TBCB: variants seen among roughly 807,000 people sequenced by gnomAD.
TBCB encodes tubulin-folding cofactor B.
A neutral mutation model predicts 29.2 loss-of-function variants in TBCB; 18 were observed. The ratio of observed to expected loss-of-function variants is 0.62; its 90% CI spans 0.43 to 0.91. The LOEUF is 0.91. Ranked by LOEUF, TBCB falls within the 40% of genes least tolerant of loss-of-function variation. The pLI, the probability that TBCB is intolerant of heterozygous loss-of-function variation, is 0.00. For missense variants in TBCB, 336 were observed against 337.6 expected, an observed-to-expected ratio of 1.00 and a Z score of 0.04; for synonymous variants, 172 against 137.8, an observed-to-expected ratio of 1.25 and a Z score of -1.74.
At chr19:36,123,214 CT>C (rs1196138328) in intron 4 of TBCB, among the ~76,000 whole-genome samples, 1 of 150,066 alleles carries the variant, frequency 6.7e-6, no homozygotes, top group Non-Finnish European at 1.5e-5. Flanking sequence ...GTCATTTCCA[CT>C]TTTTGGCTAT....
chr19:36,116,010 T>G (rs369134537), intron 1 of TBCB, 31 bp from the exon 2 acceptor site: 40 of 1,603,620 alleles, frequency 2.5e-5, no homozygotes, highest in African/African-American at 8.0e-5. Context: ...CTCCGTGGCC[T>G]CCTTCTTCTC....
Position 36,121,963 on chromosome 19 carries a change from C to T in TBCB, c.547+245C>T, listed in dbSNP as rs10410489. ...GTCCAGCGAGGGAGGAAGCAGAAGCCAGAGGCACGCGGCCTGTGCGCTTCG... is the reference window on the plus strand; with the variant it reads ...GTCCAGCGAGGGAGGAAGCAGAAGCTAGAGGCACGCGGCCTGTGCGCTTCG... On this transcript the variant is annotated intron_variant, in intron 4 of 5. Transcript: ENST00000221855. 1,987 of 588,446 alleles carry T rather than the reference C, an allele frequency of 3.4e-3. 36 individuals carry two copies. The highest frequency in any genetic ancestry group is 0.033 in the African/African-American group (1,739 of 52,504). The allele number at this position is 588,446 out of a possible 1,614,324, so 36.5% of individuals were successfully genotyped here. A position where few individuals can be genotyped will look rare whatever the true frequency, so the allele number is the denominator to read the frequency against.
chr19:36,115,807 C>T (rs1055666695), intron 1 of TBCB, 133 bp downstream of exon 1: 9 of 1,112,268 alleles, frequency 8.1e-6, no homozygotes, highest in Admixed American at 4.5e-5. Context: ...AGGCTGGGGA[C>T]CCGGTCGCGG....
intron 2 of TBCB, among the ~76,000 whole-genome samples, chr19:36,116,965 G>A (rs1167292753): frequency 6.6e-6 from 1 of 152,132 alleles, no homozygotes; most frequent in African/African-American, 2.4e-5. Flanking sequence ...GTCTGTAGCA[G>A]CCACATTGCT....
chr19:36,123,506 C>A (rs760434848), intron 4 of TBCB, among the ~76,000 whole-genome samples: 14 of 152,252 alleles, frequency 9.2e-5, no homozygotes, highest in Non-Finnish European at 1.5e-4. Context: ...CTCAAGTGAT[C>A]GTCCTGCTTC....
intron 1 of TBCB, 110 bp downstream of exon 1, chr19:36,115,784 T>A: frequency 8.4e-7 from 1 of 1,191,714 alleles, no homozygotes; most frequent in Non-Finnish European, 1.2e-6. Context: ...CCGGAGGTGA[T>A]CCCAGGCTGC....
At chr19:36,115,717 A>G (rs1261203718) in intron 1 of TBCB, 43 bp downstream of exon 1, 1 of 521,712 alleles carries the variant, frequency 1.9e-6, no homozygotes, top group Non-Finnish European at 3.2e-6. Context: ...GGGCGAAGAA[A>G]TTGGGGGGTT....
intron 2 of TBCB, chr19:36,120,351 G>C (rs544810902): frequency 4.1e-6 from 1 of 242,140 alleles, no homozygotes; most frequent in African/African-American, 2.2e-5. Context: ...GGCCAGCTTA[G>C]GAGAGTCCCA....
At position 36,116,037 on chromosome 19, in the gene TBCB, A is replaced by G. The variant is rs1973946721; in HGVS notation, c.115-4A>G. ...CTTCTTCTCACCCTGCCTCCTCCTC[A>G]CAGTGTAAACTGGAGTTGCTGGTGG... On this transcript the variant is annotated splice_region_variant and splice_polypyrimidine_tract_variant and intron_variant, in intron 1 of 5. Transcript: ENST00000221855. 22 of 1,613,134 alleles carry G rather than the reference A, an allele frequency of 1.4e-5. No individual in the cohort carries two copies. The East Asian group carries it at 4.5e-4, about 33-fold the overall frequency.
intron 3 of TBCB, 108 bp downstream of exon 3, chr19:36,120,914 A>C: frequency 9.8e-7 from 1 of 1,019,376 alleles, no homozygotes; most frequent in Non-Finnish European, 1.5e-6. Flanking sequence ...AGTGGTGTAG[A>C]CGGGGGGCCG....
At chr19:36,119,293 G>A (rs1162980191) in intron 2 of TBCB, among the ~76,000 whole-genome samples, 1 of 152,184 alleles carries the variant, frequency 6.6e-6, no homozygotes, top group Non-Finnish European at 1.5e-5. Context: ...CGGAGGTAAA[G>A]GCCATTCCTA....
chr19:36,116,358 G>C, intron 2 of TBCB, 174 bp downstream of exon 2: 1 of 838,454 alleles, frequency 1.2e-6, no homozygotes, highest in Non-Finnish European at 1.7e-6. Context: ...GCCTAGAGTG[G>C]TCTGGGCTGG....
chr19:36,115,840 C>T lies in TBCB; in HGVS notation c.114+166C>T, dbSNP rs1973941424. The T allele has an allele frequency of 5.7e-5, 60 of 1,060,728 alleles. 4 individuals carry two copies. The South Asian group carries it at 8.9e-4, about 16-fold the overall frequency. 65.7% of individuals were successfully genotyped at this position (1,060,728 alleles called of 1,614,324 possible). A position where few individuals can be genotyped will look rare whatever the true frequency, so the allele number is the denominator to read the frequency against. On this transcript the variant is annotated intron_variant, in intron 1 of 5. Coordinates refer to ENST00000221855, the MANE Select transcript of TBCB (RefSeq NM_001281.3). ...CGGCGGGGCGGGTCCGGAGAGAACT[C>T]GAGAGTGCAGAGATGAGGGCCGGGT... is the stretch of plus-strand genomic sequence containing the variant.
upstream of TBCB, chr19:36,115,214 G>A (rs1181047064): frequency 2.6e-5 from 14 of 536,872 alleles, no homozygotes; most frequent in Non-Finnish European, 4.6e-5. Flanking sequence ...GTGCGCATGC[G>A]CGAGTTTACC....
chr19:36,121,125 G>C (rs1014694921), intron 3 of TBCB, among the ~76,000 whole-genome samples: 7 of 151,368 alleles, frequency 4.6e-5, no homozygotes. Flanking sequence ...GTCGGACGGG[G>C]TGTGGAGGGC....
chr19:36,121,638 C>A lies in TBCB; in HGVS notation c.467C>A (p.Ala156Asp). The change falls in exon 4 of 6, where the codon GCC becomes GAC. Residue 156 changes from alanine (A) to aspartate (D), a missense_variant. Coordinates refer to ENST00000221855, the MANE Select transcript of TBCB (RefSeq NM_001281.3). ...CGCCTGGCCGAGGAGAAGGCCCAGG[C>A]CAGCTCCATCCCCGTGGGCAGCCGC... ...AQRLAEEKAQ[A>D]SSIPVGSRCE... The A allele has an allele frequency of 6.4e-7, 1 of 1,558,010 alleles. No individual in the cohort carries two copies. The highest frequency in any genetic ancestry group is 8.7e-7 in the Non-Finnish European group (1 of 1,152,638).
intron 4 of TBCB, 101 bp downstream of exon 4, chr19:36,121,819 G>A: frequency 6.9e-7 from 1 of 1,452,922 alleles, no homozygotes; most frequent in Non-Finnish European, 9.4e-7. Context: ...CTGCCTAGGG[G>A]CGCGGGGTTG....
rs769260239 is a variant in TBCB at position 36,116,041 on chromosome 19, T to A, written c.115T>A (p.Cys39Ser). The change falls in exon 2 of 6, where the codon TGT (cysteine) becomes AGT (serine). Residue 39 changes from cysteine to serine, a missense_variant and splice_region_variant. Coordinates refer to ENST00000221855, the MANE Select transcript of TBCB (RefSeq NM_001281.3). The stretch of plus-strand genomic sequence containing the variant: ...TTCTCACCCTGCCTCCTCCTCACAG[T>A]GTAAACTGGAGTTGCTGGTGGGCAG... Reference protein sequence around the residue: ...SRSLTIAEFKCKLELLVGSPA... With the variant: ...SRSLTIAEFKSKLELLVGSPA... The A allele has an allele frequency of 6.2e-7, 1 of 1,613,708 alleles. No individual in the cohort carries two copies. The highest frequency in any genetic ancestry group is 1.3e-5 in the African/African-American group (1 of 74,906).
intron 4 of TBCB, among the ~76,000 whole-genome samples, chr19:36,124,717 G>A (rs1974109601): frequency 6.6e-6 from 1 of 152,050 alleles, no homozygotes; most frequent in African/African-American, 2.4e-5. Flanking sequence ...CTAATTTTTT[G>A]TATTTTTAGT....
Sources: gnomAD v4.1 joint callset for allele counts (sites outside exome capture counted in the v4.1 genomes callset) on GRCh38, gnomAD v4.1.1 for gene constraint, MANE v1.5 for transcripts, NCBI Gene and HGNC (gene_info 2026-07-23, HGNC 2026-07-21) for gene names.